Variants in SPAG16 observed in about 807,000 individuals in gnomAD.
The protein encoded by SPAG16 is sperm associated antigen 16, also known as sperm-associated antigen 16 protein.
Under a neutral mutation model 80.4 loss-of-function variants are expected in SPAG16, and 86 were observed. That is an observed-to-expected ratio of 1.07 (90% CI 0.90 to 1.28). The LOEUF (loss-of-function observed/expected upper bound fraction) is 1.28. Ranked by LOEUF, SPAG16 falls within the 50% of genes most tolerant of loss-of-function variation. SPAG16 has a pLI of 0.00. For synonymous variants in SPAG16, 294 were observed against 265.9 expected (o/e 1.11, Z -1.03); for missense variants, 870 against 765.3 (o/e 1.14, Z -1.61).
intron 10 of SPAG16, among the ~76,000 whole-genome samples, chr2:213,552,615 T>G (rs566150298): frequency 5.3e-5 from 8 of 152,282 alleles, no homozygotes; most frequent in African/African-American, 1.9e-4. Flanking sequence ...ATCATCAAGA[T>G]AGTGGAGTAG....
At chr2:213,640,800 A>G (rs773557257) in intron 10 of SPAG16, among the ~76,000 whole-genome samples, 3 of 152,200 alleles carry the variant, frequency 2.0e-5, no homozygotes, top group African/African-American at 7.2e-5. Context: ...TAGTAGAATT[A>G]GCTGTTATTT....
intron 15 of SPAG16, among the ~76,000 whole-genome samples, chr2:214,199,942 A>G (rs1305016405): frequency 6.6e-6 from 1 of 152,134 alleles, no homozygotes; most frequent in Non-Finnish European, 1.5e-5. Flanking sequence ...ATTTGTGTAC[A>G]CTGATTTTGT....
intron 15 of SPAG16, among the ~76,000 whole-genome samples, chr2:214,270,981 CA>C (rs1691951593): frequency 6.6e-6 from 1 of 152,066 alleles, no homozygotes; most frequent in Non-Finnish European, 1.5e-5. Flanking sequence ...GCGCAGAAAA[CA>C]GTGCCCAATA....
At chr2:214,400,197 A>T (rs1016306494) in intron 15 of SPAG16, among the ~76,000 whole-genome samples, 2 of 151,974 alleles carry the variant, frequency 1.3e-5, no homozygotes, top group Admixed American at 1.3e-4. Flanking sequence ...TTCTGTTCCT[A>T]GCAAGGTAGA....
At chr2:214,131,485 A>G (rs2054774995) in intron 14 of SPAG16, among the ~76,000 whole-genome samples, 1 of 152,142 alleles carries the variant, frequency 6.6e-6, no homozygotes, top group African/African-American at 2.4e-5. Flanking sequence ...AGTGGAGAAA[A>G]CTTATATTTA....
chr2:214,250,735 TA>T (rs1690203359), intron 15 of SPAG16, among the ~76,000 whole-genome samples: 1 of 69,106 alleles, frequency 1.4e-5, no homozygotes, highest in African/African-American at 8.2e-5. Context: ...AGCTTTGAGA[TA>T]TATATATATA....
At chr2:214,222,984 G>A (rs554204102) in intron 15 of SPAG16, among the ~76,000 whole-genome samples, 1 of 152,256 alleles carries the variant, frequency 6.6e-6, no homozygotes, top group African/African-American at 2.4e-5. Context: ...GTCACTTGTT[G>A]AGAACTAATT....
At chr2:214,311,299 G>A (rs780380284) in intron 15 of SPAG16, among the ~76,000 whole-genome samples, 6 of 152,134 alleles carry the variant, frequency 3.9e-5, no homozygotes, top group African/African-American at 7.2e-5. Flanking sequence ...CAAAGTCACC[G>A]TGGGTTTTGA....
At chr2:214,273,897 T>C (rs556460599) in intron 15 of SPAG16, among the ~76,000 whole-genome samples, 1 of 152,332 alleles carries the variant, frequency 6.6e-6, no homozygotes, top group South Asian at 2.1e-4. Flanking sequence ...AGTATGGCCA[T>C]TTTCACGATA....
chr2:213,531,369 T>TGA (rs893905499), intron 10 of SPAG16, among the ~76,000 whole-genome samples: 1 of 151,108 alleles, frequency 6.6e-6, no homozygotes, highest in African/African-American at 2.4e-5. Flanking sequence ...AGTGTGTGTG[T>TGA]GTGTGTGTGT....
intron 14 of SPAG16, among the ~76,000 whole-genome samples, chr2:214,140,498 A>G (rs2055294934): frequency 6.6e-6 from 1 of 151,964 alleles, no homozygotes; most frequent in African/African-American, 2.4e-5. Flanking sequence ...AATGTTGTAT[A>G]TCTTTCCTTT....
intron 15 of SPAG16, among the ~76,000 whole-genome samples, chr2:214,201,502 G>C (rs1445657818): frequency 6.6e-6 from 1 of 152,074 alleles, no homozygotes; most frequent in Non-Finnish European, 1.5e-5. Context: ...TATGAAGATA[G>C]CCATTGGAAA....
chr2:213,556,402 G>T (rs1255312372), intron 10 of SPAG16, among the ~76,000 whole-genome samples: 6 of 151,196 alleles, frequency 4.0e-5, no homozygotes, highest in Non-Finnish European at 7.4e-5. Flanking sequence ...GAAAGGTTGG[G>T]AAAACATATT....
At chr2:213,993,315 C>T (rs151247955) in intron 12 of SPAG16, among the ~76,000 whole-genome samples, 4 of 152,310 alleles carry the variant, frequency 2.6e-5, no homozygotes, top group Non-Finnish European at 4.4e-5. Flanking sequence ...ATATCCCAGT[C>T]ACACAGTGCA....
intron 10 of SPAG16, among the ~76,000 whole-genome samples, chr2:213,781,532 G>T (rs934565079): frequency 6.6e-6 from 1 of 152,034 alleles, no homozygotes; most frequent in Non-Finnish European, 1.5e-5. Flanking sequence ...TGGAAGGAAA[G>T]AATACCTTCC....
Position 214,260,483 on chromosome 2 carries a change from A to G in SPAG16, c.1720+111217A>G, listed in dbSNP as rs371744660. 6.6e-5 allele frequency among the ~76,000 whole-genome samples: 10 copies of G among 152,274 alleles called. 1 individual carries two copies. The East Asian group carries it at 1.7e-3, about 26-fold the overall frequency. The stretch of plus-strand genomic sequence containing the variant: ...CATGCTACTGTGTTATAGATGCCAA[A>G]CATTAGAGAAAATAATTTAGTCCTT... On this transcript the variant is annotated intron_variant, in intron 15 of 15. Transcript: ENST00000331683.
chr2:213,681,514 A>T (rs1399744583), intron 10 of SPAG16, among the ~76,000 whole-genome samples: 1 of 152,104 alleles, frequency 6.6e-6, no homozygotes. Context: ...AGATCTGATG[A>T]TCTCTTTTGC....
intron 10 of SPAG16, among the ~76,000 whole-genome samples, chr2:213,692,050 A>G (rs868224826): frequency 3.3e-5 from 5 of 152,346 alleles, no homozygotes; most frequent in South Asian, 2.1e-4. Flanking sequence ...TAAATTACAG[A>G]CTTGTAATTA....
intron 3 of SPAG16, among the ~76,000 whole-genome samples, chr2:213,300,464 G>A (rs1043262551): frequency 6.6e-6 from 1 of 152,132 alleles, no homozygotes; most frequent in Non-Finnish European, 1.5e-5. Context: ...GGGAATTTAT[G>A]TTGTCTTTCA....
Sources: gnomAD v4.1 joint callset for allele counts (sites outside exome capture counted in the v4.1 genomes callset) on GRCh38, gnomAD v4.1.1 for gene constraint, MANE v1.5 for transcripts, NCBI Gene and HGNC (gene_info 2026-07-23, HGNC 2026-07-21) for gene names.